Variants in TAF15 observed in about 807,000 individuals in gnomAD.
TAF15 encodes TATA-box binding protein associated factor 15.
A neutral mutation model predicts 102.5 loss-of-function variants in TAF15; 37 were observed. The ratio of observed to expected loss-of-function variants is 0.36; its 90% CI spans 0.28 to 0.47. The LOEUF is 0.47. TAF15 is among the 20% of genes least tolerant of loss of function. The pLI is 0.99. For synonymous variants in TAF15, 273 were observed against 259.2 expected (o/e 1.05, Z -0.51); for missense variants, 652 against 760.7 (o/e 0.86, Z 1.68).
chr17:35,843,272 C>T (rs939620035), intron 12 of TAF15, among the ~76,000 whole-genome samples: 1 of 151,974 alleles, frequency 6.6e-6, no homozygotes, highest in Non-Finnish European at 1.5e-5. Flanking sequence ...TACAGGCATG[C>T]GCCACCATGC....
rs192627121 is a variant in TAF15 at position 35,810,202 on chromosome 17, C to T, written c.7+626C>T. 3.7e-5 allele frequency: 6 copies of T among 161,536 alleles called. No homozygotes were observed. In the East Asian group the frequency reaches 7.3e-4, roughly 20 times the overall value. 10.0% of individuals were successfully genotyped at this position (161,536 alleles called of 1,614,324 possible). A position where few individuals can be genotyped will look rare whatever the true frequency, so the allele number is the denominator to read the frequency against. ...ATAGTAATTTAGCTTCCTCTTCACC[C>T]TCCTGCCATTCGTCTTCCCCACCAG... is the stretch of plus-strand genomic sequence containing the variant. On this transcript the variant is annotated intron_variant, in intron 1 of 15. Transcript: ENST00000605844.
chr17:35,827,736 G>A (rs74252051), intron 7 of TAF15, among the ~76,000 whole-genome samples: 3,249 of 152,136 alleles, frequency 0.021, 68 homozygotes, highest in East Asian at 0.11. Flanking sequence ...ATAATTTGTG[G>A]ATGAGGATTG....
chr17:35,834,347 C>T (rs2087444250), intron 8 of TAF15: 2 of 539,476 alleles, frequency 3.7e-6, no homozygotes, highest in Non-Finnish European at 6.5e-6. Flanking sequence ...GTGGCAGGTG[C>T]TGTCTAGGAC....
At chr17:35,809,750 A>G (rs576826989) in intron 1 of TAF15, 174 bp downstream of exon 1, 16 of 822,458 alleles carry the variant, frequency 1.9e-5, no homozygotes, top group South Asian at 6.1e-5. Context: ...CACGCTCCCA[A>G]TGGCTCCCCG....
rs865819294 is a variant in TAF15 at position 35,839,373 on chromosome 17, T to A, written c.913+820T>A. Among the ~76,000 whole-genome samples the A allele has an allele frequency of 1.7e-3, 178 of 105,904 alleles. 1 individual carries two copies. Among genetic ancestry groups the A allele is most frequent in the African/African-American group, 6.3e-3 (171 of 27,016 alleles). 69.5% of individuals were successfully genotyped at this position (105,904 alleles called of 152,430 possible). A position where few individuals can be genotyped will look rare whatever the true frequency, so the allele number is the denominator to read the frequency against. On this transcript the variant is annotated intron_variant, in intron 11 of 15. Coordinates refer to ENST00000605844, the MANE Select transcript of TAF15 (RefSeq NM_139215.3). ...ATACATACTTAGAAGAAATAGACTT[T>A]TTTTTTTTTTTTTTTTTTTTTTTTT...
chr17:35,811,715 C>A (rs1422749214), intron 1 of TAF15: 1 of 152,146 alleles, frequency 6.6e-6, no homozygotes, highest in Non-Finnish European at 1.5e-5. Context: ...ATCAATAAAT[C>A]AAAATTGTAG....
intron 7 of TAF15, 92 bp from the exon 8 acceptor site, chr17:35,833,815 T>A: frequency 7.5e-7 from 1 of 1,332,500 alleles, no homozygotes; most frequent in Non-Finnish European, 1.1e-6. Context: ...TCCTAAGCAC[T>A]CTACTTGTGA....
At chr17:35,829,721 A>G (rs1285745172) in intron 7 of TAF15, among the ~76,000 whole-genome samples, 2 of 151,884 alleles carry the variant, frequency 1.3e-5, no homozygotes, top group African/African-American at 4.8e-5. Context: ...AAGCATCTGA[A>G]ATGGAATCTG....
At chr17:35,838,807 G>GTA (rs771942628) in intron 11 of TAF15, among the ~76,000 whole-genome samples, 3 of 152,154 alleles carry the variant, frequency 2.0e-5, no homozygotes, top group Non-Finnish European at 2.9e-5. Context: ...CTGGTTGACA[G>GTA]TATGTTATTT....
intron 15 of TAF15, among the ~76,000 whole-genome samples, chr17:35,846,637 T>TG (rs1251800741): frequency 6.6e-6 from 1 of 152,262 alleles, no homozygotes; most frequent in African/African-American, 2.4e-5. Flanking sequence ...GGACAGTTTC[T>TG]GATCTTCTGA....
intron 14 of TAF15, 49 bp from the exon 15 acceptor site, chr17:35,844,428 G>T (rs775360321): frequency 1.1e-5 from 18 of 1,612,584 alleles, no homozygotes; most frequent in Non-Finnish European, 1.5e-5. Flanking sequence ...CATTAAGGGG[G>T]CTTTACGTTG....
chr17:35,836,484 T>G (rs1331872118), intron 10 of TAF15, among the ~76,000 whole-genome samples: 1 of 152,252 alleles, frequency 6.6e-6, no homozygotes, highest in Non-Finnish European at 1.5e-5. Flanking sequence ...ACTCTAAAAT[T>G]AGTCTCTGCT....
intron 7 of TAF15, among the ~76,000 whole-genome samples, chr17:35,828,238 A>G (rs1334511452): frequency 6.6e-6 from 1 of 152,206 alleles, no homozygotes; most frequent in East Asian, 1.9e-4. Flanking sequence ...CATCAGTCTA[A>G]AAAATAAAAA....
intron 7 of TAF15, chr17:35,833,482 C>G (rs2087432100): frequency 6.2e-6 from 1 of 160,880 alleles, no homozygotes; most frequent in African/African-American, 2.4e-5. Context: ...TTTATTCTCT[C>G]CCGTTCTACC....
At position 35,818,116 on chromosome 17, in the gene TAF15, G is replaced by C. The variant is rs151194461; in HGVS notation, c.47+361G>C. Among the ~76,000 whole-genome samples, 708 of 151,268 alleles carry C rather than the reference G, an allele frequency of 4.7e-3. 5 individuals carry two copies. The highest frequency in any genetic ancestry group is 0.016 in the African/African-American group (660 of 41,216). On this transcript the variant is annotated intron_variant, in intron 2 of 15. Coordinates refer to ENST00000605844, the MANE Select transcript of TAF15 (RefSeq NM_139215.3). ...CTTCTTCCTTTTCTTTTTTTTTTGAGACTGAGTCTCGCTCTTTCGCCCAGG... is the reference window on the plus strand; with the variant it reads ...CTTCTTCCTTTTCTTTTTTTTTTGACACTGAGTCTCGCTCTTTCGCCCAGG...
Position 35,844,623 on chromosome 17 carries a change from A to G in TAF15, c.1324A>G (p.Ser442Gly), listed in dbSNP as rs1236045641. The G allele has an allele frequency of 7.3e-7, 1 of 1,365,298 alleles. No individual in the cohort carries two copies. Among genetic ancestry groups the G allele is most frequent in the Non-Finnish European group, 9.6e-7 (1 of 1,046,380 alleles). 84.6% of individuals were successfully genotyped at this position (1,365,298 alleles called of 1,614,324 possible). The part of the protein sequence containing the change: ...SSGGGYSGDR[S>G]GGGYGGDRSG... ...CGGTGGTGGCTACAGCGGAGATAGA[A>G]GTGGGGGCGGCTATGGTGGAGACAG... Residue 442 changes from serine (S) to glycine (G), a missense_variant, in exon 15 of 16, where the codon AGT becomes GGT. Around this residue, in one of 3 missense-constraint regions of TAF15, gnomAD observed 368 missense variants for 367.5 expected, o/e 1.00. Transcript: ENST00000605844.
chr17:35,820,972 AC>A (rs1393729312), intron 5 of TAF15, among the ~76,000 whole-genome samples: 3 of 152,184 alleles, frequency 2.0e-5, no homozygotes, highest in Non-Finnish European at 4.4e-5. Flanking sequence ...TATGCTATTT[AC>A]TTAATAGCAA....
chr17:35,841,872 A>C (rs1039150087), intron 11 of TAF15, among the ~76,000 whole-genome samples: 4 of 151,984 alleles, frequency 2.6e-5, no homozygotes, highest in African/African-American at 9.7e-5. Context: ...TAATTAAAAA[A>C]ATTTTTTCAG....
rs761958157 is a variant in TAF15, at chr17:35,809,534, G to A, written c.-36G>A. 45 of 1,612,616 alleles carry A rather than the reference G, an allele frequency of 2.8e-5. No individual in the cohort carries two copies. Among genetic ancestry groups the A allele is most frequent in the Non-Finnish European group, 3.7e-5 (44 of 1,179,720 alleles). On this transcript the variant is annotated 5_prime_UTR_variant, in exon 1 of 16. Coordinates refer to ENST00000605844, the MANE Select transcript of TAF15 (RefSeq NM_139215.3). ...CTGGCTTTCGTATTCGTTGTTCTCG[G>A]CGGGCTGTGGGGCCTCCGCGCCGCG...
Sources: allele counts gnomAD v4.1 joint callset (sites outside exome capture counted in the v4.1 genomes callset), GRCh38; gene constraint gnomAD v4.1.1; regional missense constraint gnomAD v4.1.1; transcripts MANE v1.5; gene names NCBI Gene and HGNC (gene_info 2026-07-23, HGNC 2026-07-21).